MCCC2: variants seen among roughly 807,000 people sequenced by gnomAD.
MCCC2 encodes the protein methylcrotonoyl-CoA carboxylase beta chain, mitochondrial.
MCCC2 carries 52 observed loss-of-function variants against 77.2 expected under a neutral mutation model. That is an observed-to-expected ratio of 0.67 (90% confidence interval 0.54 to 0.85). The LOEUF (loss-of-function observed/expected upper bound fraction) is 0.85, where lower values mean the gene tolerates loss of function less well. MCCC2 is among the 40% of genes least tolerant of loss of function. The pLI, the probability that MCCC2 is intolerant of heterozygous loss-of-function variation, is 0.00. For missense variants in MCCC2, 682 were observed against 703.2 expected, an observed-to-expected ratio of 0.97 and a Z score of 0.34; for synonymous variants, 253 against 248.4, an observed-to-expected ratio of 1.02 and a Z score of -0.18.
At chr5:71,635,410 G>T (rs1746882450) in intron 10 of MCCC2, 164 bp downstream of exon 10, 11 of 720,360 alleles carry the variant, frequency 1.5e-5, no homozygotes, top group African/African-American at 1.7e-5. Flanking sequence ...CCATACTGTG[G>T]ATATCATTGG....
intron 10 of MCCC2, chr5:71,636,166 T>G: frequency 2.5e-6 from 1 of 397,626 alleles, no homozygotes; most frequent in Non-Finnish European, 5.1e-6. Flanking sequence ...CTTGGCAACA[T>G]GGTAAGTAGT....
chr5:71,639,676 A>G (rs1747054724), intron 10 of MCCC2, among the ~76,000 whole-genome samples: 1 of 152,220 alleles, frequency 6.6e-6, no homozygotes, highest in Non-Finnish European at 1.5e-5. Context: ...TGCAAATACA[A>G]CATAGTTTTT....
In MCCC2 at chr5:71,587,341, G is replaced by A. The variant is rs992690253; in HGVS notation, c.-85G>A. The A allele has an allele frequency of 2.7e-6, 4 of 1,503,614 alleles. No homozygotes were observed. The Admixed American group carries it at 6.2e-5, about 23-fold the overall frequency. The allele number at this position is 1,503,614 out of a possible 1,614,324, so 93.1% of individuals were successfully genotyped here. ...CTGGGGCTGCAAGGACCTGAGCTCA[G>A]CTTCCGCCCCAGCCAGGGAAGCGGC... is the stretch of plus-strand genomic sequence containing the variant. On this transcript the variant is annotated 5_prime_UTR_variant, in exon 1 of 17. Coordinates refer to ENST00000340941, the MANE Select transcript of MCCC2 (RefSeq NM_022132.5).
At chr5:71,640,914 C>G (rs1304404673) in intron 10 of MCCC2, 89 bp from the exon 11 acceptor site, 1 of 1,134,236 alleles carries the variant, frequency 8.8e-7, no homozygotes, top group Admixed American at 1.7e-5. Context: ...GTGACAACTT[C>G]ACTGTGAATT....
chr5:71,600,395 CA>C (rs1194104091), intron 4 of MCCC2, among the ~76,000 whole-genome samples: 13 of 151,732 alleles, frequency 8.6e-5, no homozygotes, highest in African/African-American at 2.7e-4. Context: ...CTTCTGGGCT[CA>C]AACGATGTTG....
At chr5:71,615,810 C>T (rs1205781011) in intron 6 of MCCC2, among the ~76,000 whole-genome samples, 7 of 152,096 alleles carry the variant, frequency 4.6e-5, no homozygotes, top group Admixed American at 4.6e-4. Context: ...CTTTGACCCC[C>T]ATTCTTGTCA....
intron 10 of MCCC2, among the ~76,000 whole-genome samples, chr5:71,639,104 G>A (rs528804953): frequency 6.6e-6 from 1 of 152,294 alleles, no homozygotes; most frequent in South Asian, 2.1e-4. Context: ...CATTTATAGA[G>A]CACAGGCAGA....
At chr5:71,631,697 C>T (rs563539977) in intron 7 of MCCC2, among the ~76,000 whole-genome samples, 225 of 152,154 alleles carry the variant, frequency 1.5e-3, no homozygotes, top group Non-Finnish European at 2.6e-3. Flanking sequence ...CCCGCCACCG[C>T]GCCCAGCTAA....
At chr5:71,649,067 C>T (rs1419264861) in intron 13 of MCCC2, 30 bp from the exon 14 acceptor site, 1 of 1,613,664 alleles carries the variant, frequency 6.2e-7, no homozygotes, top group Admixed American at 1.7e-5. Flanking sequence ...TCCCATCACC[C>T]AGAGGCTCTC....
At chr5:71,620,477 G>C (rs1405139706) in intron 6 of MCCC2, among the ~76,000 whole-genome samples, 1 of 152,050 alleles carries the variant, frequency 6.6e-6, no homozygotes, top group African/African-American at 2.4e-5. Context: ...TCTATGAATT[G>C]GATAGTATTC....
intron 10 of MCCC2, among the ~76,000 whole-genome samples, chr5:71,639,045 A>G (rs999626589): frequency 6.6e-6 from 1 of 152,208 alleles, no homozygotes; most frequent in Non-Finnish European, 1.5e-5. Context: ...TTAAAAATTC[A>G]TTAAACCATG....
rs767326357 is a variant in MCCC2 at position 71,652,684 on chromosome 5, G to C, written c.1504G>C (p.Glu502Gln). 78 of 1,614,024 alleles carry C rather than the reference G, an allele frequency of 4.8e-5. No homozygotes were observed. The Admixed American group carries it at 1.3e-3, about 27-fold the overall frequency. ...REGKQFSSADEAALKEPIIKK... is the reference protein window; with the variant it reads ...REGKQFSSADQAALKEPIIKK... ...TTTCCTTTAGTTCTCCAGTGCTGAT[G>C]AAGCGGCTTTAAAAGAGCCCATCAT... Residue 502 changes from glutamate to glutamine, a missense_variant, in exon 16 of 17, where the codon GAA becomes CAA. Physicochemically the swap from Glu to Gln is conservative, Grantham distance 29. Coordinates refer to ENST00000340941, the MANE Select transcript of MCCC2 (RefSeq NM_022132.5).
At chr5:71,630,965 A>G (rs1200505454) in intron 7 of MCCC2, among the ~76,000 whole-genome samples, 3 of 152,080 alleles carry the variant, frequency 2.0e-5, no homozygotes, top group African/African-American at 7.2e-5. Context: ...TTTAGCCTTA[A>G]ATTATTTTTC....
intron 6 of MCCC2, among the ~76,000 whole-genome samples, chr5:71,616,650 CTGCTAGCACTACCT>C (rs1246367857): frequency 6.6e-6 from 1 of 152,246 alleles, no homozygotes; most frequent in Non-Finnish European, 1.5e-5. Context: ...TTCCCATCTA[CTGCTAGCACTACCT>C]TGCTCTTTCC....
chr5:71,653,850 CAAAAA>C (rs33938603), intron 16 of MCCC2, among the ~76,000 whole-genome samples: 3 of 122,646 alleles, frequency 2.4e-5, no homozygotes, highest in Non-Finnish European at 1.7e-5. Context: ...GGCCCTATCT[CAAAAA>C]AAAAAAAAAA....
In MCCC2 at chr5:71,649,206, G is replaced by A; in HGVS notation, c.1326G>A (p.Gly442=). The A allele has an allele frequency of 6.2e-7, 1 of 1,614,124 alleles. No individual in the cohort carries two copies. The highest frequency in any genetic ancestry group is 8.5e-7 in the Non-Finnish European group (1 of 1,179,966). ...TGCCTAAGATAACCCTCATCATTGG[G>A]GGCTCCTATGGAGCCGGAAACTATG... ...AQVPKITLII[G]GSYGAGNYGM... Residue 442 remains glycine, a synonymous_variant, in exon 14 of 17, where the codon GGG becomes GGA. Coordinates refer to ENST00000340941, the MANE Select transcript of MCCC2 (RefSeq NM_022132.5).
intron 5 of MCCC2, 108 bp from the exon 6 acceptor site, chr5:71,604,248 T>A: frequency 1.0e-6 from 1 of 981,232 alleles, no homozygotes; most frequent in Non-Finnish European, 1.6e-6. Context: ...ACAGGGCAAG[T>A]TTTTTGTGAA....
At chr5:71,656,675 G>C in intron 16 of MCCC2, 68 bp from the exon 17 acceptor site, 1 of 1,207,116 alleles carries the variant, frequency 8.3e-7, no homozygotes, top group Non-Finnish European at 1.2e-6. Context: ...TGGCATTTCT[G>C]CACATGGAGA....
intron 8 of MCCC2, among the ~76,000 whole-genome samples, chr5:71,632,391 A>G (rs139940657): frequency 1.3e-5 from 2 of 152,268 alleles, no homozygotes; most frequent in Non-Finnish European, 2.9e-5. Context: ...AGGACTGGAG[A>G]GACAGGTTTC....
Sources: allele counts gnomAD v4.1 joint callset (sites outside exome capture counted in the v4.1 genomes callset), GRCh38; gene constraint gnomAD v4.1.1; transcripts MANE v1.5; gene names NCBI Gene and HGNC (gene_info 2026-07-23, HGNC 2026-07-21).